CADM2: variants seen among roughly 807,000 people sequenced by gnomAD.
The protein encoded by CADM2 is immunoglobulin superfamily member 4D.
Under a neutral mutation model 49.8 loss-of-function variants are expected in CADM2, and 12 were observed. The observed-to-expected ratio is 0.24, with a 90% CI of 0.15 to 0.39. The LOEUF is 0.39. Among genes scored for constraint, CADM2 ranks in the 10% least tolerant of loss-of-function variants. The pLI is 1.00. For synonymous variants in CADM2, 214 were observed against 175.4 expected, an observed-to-expected ratio of 1.22 and a Z score of -1.74; for missense variants, 378 against 492.3, an observed-to-expected ratio of 0.77 and a Z score of 2.20.
intron 2 of CADM2, among the ~76,000 whole-genome samples, chr3:85,793,651 ATGCTCTGGAGC>A (rs2108041380): frequency 6.6e-6 from 1 of 152,266 alleles, no homozygotes; most frequent in African/African-American, 2.4e-5. Context: ...CACCTACTTG[ATGCTCTGGAGC>A]TGGTGTGAGC....
At chr3:85,973,599 G>A (rs1577831725) in intron 8 of CADM2, among the ~76,000 whole-genome samples, 7 of 151,806 alleles carry the variant, frequency 4.6e-5, no homozygotes, top group Admixed American at 4.6e-4. Flanking sequence ...TATAATCAGT[G>A]TACTGCATAC....
At chr3:85,918,813 AT>A (rs1237823789) in intron 6 of CADM2, among the ~76,000 whole-genome samples, 1 of 152,012 alleles carries the variant, frequency 6.6e-6, no homozygotes, top group African/African-American at 2.4e-5. Flanking sequence ...TTGTCCTCCC[AT>A]TTTTGCACAG....
At chr3:85,076,303 TTGTGTG>T (rs71108205) in intron 1 of CADM2, among the ~76,000 whole-genome samples, 29 of 139,352 alleles carry the variant, frequency 2.1e-4, no homozygotes, top group South Asian at 4.9e-4. Context: ...AAAAAAGAAA[TTGTGTG>T]TGTGTGTGTG....
chr3:85,626,569 GA>G (rs1428824964), intron 1 of CADM2, among the ~76,000 whole-genome samples: 1 of 151,702 alleles, frequency 6.6e-6, no homozygotes, highest in African/African-American at 2.4e-5. Context: ...AATTATACCT[GA>G]TATCCTAAAA....
chr3:86,038,356 G>T (rs917972085), intron 8 of CADM2, among the ~76,000 whole-genome samples: 1 of 152,160 alleles, frequency 6.6e-6, no homozygotes, highest in African/African-American at 2.4e-5. Flanking sequence ...CCATGCCCAA[G>T]GAGATATATA....
At chr3:85,610,261 G>A (rs1447940339) in intron 1 of CADM2, among the ~76,000 whole-genome samples, 1 of 151,910 alleles carries the variant, frequency 6.6e-6, no homozygotes, top group Non-Finnish European at 1.5e-5. Flanking sequence ...TGGTCCCCAT[G>A]ATGTAACTAT....
At chr3:84,973,033 C>T (rs2031568183) in intron 1 of CADM2, among the ~76,000 whole-genome samples, 1 of 152,122 alleles carries the variant, frequency 6.6e-6, no homozygotes, top group Non-Finnish European at 1.5e-5. Context: ...CATGCCTTAG[C>T]CTCCCATGTA....
At chr3:85,008,047 A>G (rs940957900) in intron 1 of CADM2, among the ~76,000 whole-genome samples, 1 of 152,098 alleles carries the variant, frequency 6.6e-6, no homozygotes, top group African/African-American at 2.4e-5. Context: ...GAAAGGACTA[A>G]CTGAGTCTGG....
intron 2 of CADM2, among the ~76,000 whole-genome samples, chr3:85,778,598 G>A (rs1041198977): frequency 1.6e-4 from 25 of 152,048 alleles, no homozygotes; most frequent in African/African-American, 5.6e-4. Context: ...ATGATTGTAA[G>A]TTTCCTGAGG....
At chr3:85,005,051 A>G (rs1055193853) in intron 1 of CADM2, among the ~76,000 whole-genome samples, 9 of 152,148 alleles carry the variant, frequency 5.9e-5, no homozygotes, top group African/African-American at 2.2e-4. Context: ...TCAGTGGTAA[A>G]TTTATAGCCC....
At chr3:85,022,679 AT>A (rs1039128780) in intron 1 of CADM2, among the ~76,000 whole-genome samples, 6 of 151,894 alleles carry the variant, frequency 4.0e-5, no homozygotes, top group South Asian at 2.1e-4. Context: ...TCTAGTGTGC[AT>A]TTTTTTCCCT....
intron 1 of CADM2, among the ~76,000 whole-genome samples, chr3:85,307,954 A>G (rs914619263): frequency 6.6e-6 from 1 of 151,296 alleles, no homozygotes; most frequent in Non-Finnish European, 1.5e-5. Flanking sequence ...AAAAAAAAAA[A>G]ACACAATAAT....
chr3:86,005,423 C>T (rs537108245), intron 8 of CADM2, among the ~76,000 whole-genome samples: 12 of 151,834 alleles, frequency 7.9e-5, no homozygotes, highest in South Asian at 2.1e-4. Context: ...TGGTGACAGG[C>T]GCCTGTAATC....
intron 1 of CADM2, among the ~76,000 whole-genome samples, chr3:85,093,207 A>G (rs2037664944): frequency 6.6e-6 from 1 of 152,234 alleles, no homozygotes; most frequent in African/African-American, 2.4e-5. Flanking sequence ...TTCTTTCATA[A>G]TAAGACAGAT....
At chr3:85,446,604 G>GTTTTTTTTT (rs5850688) in intron 1 of CADM2, among the ~76,000 whole-genome samples, 1 of 131,998 alleles carries the variant, frequency 7.6e-6, no homozygotes, top group Non-Finnish European at 1.6e-5. Flanking sequence ...TTTGTTTTTT[G>GTTTTTTTTT]TTTTTTTTTT....
chr3:86,022,167 T>C (rs1017012111), intron 8 of CADM2, among the ~76,000 whole-genome samples: 1 of 152,174 alleles, frequency 6.6e-6, no homozygotes, highest in South Asian at 2.1e-4. Context: ...TCTTTACAAA[T>C]ACACATAATT....
intron 1 of CADM2, among the ~76,000 whole-genome samples, chr3:85,232,573 A>T (rs1188191030): frequency 6.6e-6 from 1 of 152,218 alleles, no homozygotes; most frequent in Non-Finnish European, 1.5e-5. Flanking sequence ...CAAATGTAAC[A>T]ATAAGAAGAC....
intron 1 of CADM2, among the ~76,000 whole-genome samples, chr3:85,452,234 G>A (rs1399279111): frequency 6.6e-6 from 1 of 151,978 alleles, no homozygotes; most frequent in African/African-American, 2.4e-5. Context: ...GAGGCATTTC[G>A]GATTCTTTGC....
At chr3:85,527,050 T>A (rs73843642) in intron 1 of CADM2, among the ~76,000 whole-genome samples, 2,398 of 152,208 alleles carry the variant, frequency 0.016, 75 homozygotes, top group African/African-American at 0.054. Context: ...TTTTCACATA[T>A]CCTTCACAGA....
Sources: allele counts gnomAD v4.1 joint callset (sites outside exome capture counted in the v4.1 genomes callset), GRCh38; gene constraint gnomAD v4.1.1; transcripts MANE v1.5; gene names NCBI Gene and HGNC (gene_info 2026-07-23, HGNC 2026-07-21).